Variants in OCA2 observed in about 807,000 individuals in gnomAD.
OCA2 encodes the protein OCA2 melanosomal transmembrane protein, also known as P protein.
OCA2 carries 77 observed loss-of-function variants against 100.2 expected under a neutral mutation model. The observed-to-expected ratio is 0.77, with a 90% confidence interval of 0.64 to 0.93. The LOEUF (loss-of-function observed/expected upper bound fraction) is 0.93. Among genes scored for constraint, OCA2 ranks in the 40% least tolerant of loss-of-function variants. The pLI is 0.00. For synonymous variants in OCA2, 432 were observed against 439.2 expected (o/e 0.98, Z 0.21); for missense variants, 1,062 against 1,089.1 (o/e 0.98, Z 0.35).
At chr15:28,016,802 T>C (rs995206030) in intron 7 of OCA2, among the ~76,000 whole-genome samples, 2 of 150,348 alleles carry the variant, frequency 1.3e-5, no homozygotes, top group Non-Finnish European at 2.9e-5. Context: ...CTAATATAAA[T>C]TTTTTTTAAT....
At chr15:27,933,689 A>T (rs2703958) in intron 18 of OCA2, among the ~76,000 whole-genome samples, 109,094 of 152,118 alleles carry the variant, frequency 0.72, 41,147 homozygotes, top group African/African-American at 0.9. Context: ...GCTGGAGAGA[A>T]CATAAGACTC....
the OCA2 span, among the ~76,000 whole-genome samples, chr15:27,744,408 C>A: frequency 6.6e-6 from 1 of 151,958 alleles, no homozygotes; most frequent in Non-Finnish European, 1.5e-5. Flanking sequence ...ACCGTGGGCA[C>A]GAGATGGAGG....
At chr15:27,719,913 G>C in the OCA2 span, among the ~76,000 whole-genome samples, 2 of 152,082 alleles carry the variant, frequency 1.3e-5, no homozygotes, top group African/African-American at 4.8e-5. Context: ...CTCCTATAAA[G>C]CTGCTAATGC....
At chr15:28,090,922 A>G (rs1304164508) in intron 1 of OCA2, among the ~76,000 whole-genome samples, 1 of 152,196 alleles carries the variant, frequency 6.6e-6, no homozygotes, top group East Asian at 1.9e-4. Context: ...CTTTGAAAAT[A>G]TCAATGGAAT....
intron 23 of OCA2, among the ~76,000 whole-genome samples, chr15:27,815,612 A>T (rs145185358): frequency 6.6e-6 from 1 of 152,234 alleles, no homozygotes; most frequent in African/African-American, 2.4e-5. Context: ...CCCAAAGGCT[A>T]GCAAGAGTCT....
Position 27,755,042 on chromosome 15 carries a change from C to G in OCA2, c.*346G>C, listed in dbSNP as rs2030229814. ...CTGTGTTTAGCCTCAGGAGAATTGACAGTTAAACAGTACAGTCAATTTTAG... is the reference window on the plus strand; with the variant it reads ...CTGTGTTTAGCCTCAGGAGAATTGAGAGTTAAACAGTACAGTCAATTTTAG... On this transcript the variant is annotated 3_prime_UTR_variant, in exon 24 of 24. Transcript: ENST00000354638. 1 of 304,930 alleles carries G rather than the reference C, an allele frequency of 3.3e-6. No homozygotes were observed. The highest frequency in any genetic ancestry group is 6.4e-6 in the Non-Finnish European group (1 of 155,412). 18.9% of individuals were successfully genotyped at this position (304,930 alleles called of 1,614,324 possible). A position where few individuals can be genotyped will look rare whatever the true frequency, so the allele number is the denominator to read the frequency against.
intron 18 of OCA2, among the ~76,000 whole-genome samples, chr15:27,930,483 C>G (rs2039207915): frequency 6.6e-6 from 1 of 151,736 alleles, no homozygotes; most frequent in East Asian, 2.0e-4. Flanking sequence ...ATCTGACCCC[C>G]TGCTTGTTTC....
chr15:28,088,472 T>C (rs1262428363), intron 1 of OCA2, among the ~76,000 whole-genome samples: 3 of 152,196 alleles, frequency 2.0e-5, no homozygotes, highest in Non-Finnish European at 2.9e-5. Context: ...TTAAAAGAGA[T>C]ACACCAAGAA....
intron 19 of OCA2, among the ~76,000 whole-genome samples, chr15:27,896,964 G>T (rs904994742): frequency 2.6e-5 from 4 of 152,154 alleles, no homozygotes; most frequent in African/African-American, 9.7e-5. Context: ...GCCGAGGTGG[G>T]CGGATTACGA....
intron 23 of OCA2, among the ~76,000 whole-genome samples, chr15:27,768,345 G>T (rs965033724): frequency 2.6e-5 from 4 of 152,286 alleles, no homozygotes; most frequent in Admixed American, 2.6e-4. Flanking sequence ...AGAGAATCGA[G>T]TATGGGACTT....
chr15:27,904,301 G>T (rs551036430), intron 19 of OCA2, among the ~76,000 whole-genome samples: 2 of 152,338 alleles, frequency 1.3e-5, no homozygotes, highest in East Asian at 3.9e-4. Context: ...AGTGAGCAGT[G>T]CTGTTGGCTG....
At chr15:28,021,145 G>A (rs2042581534) in intron 6 of OCA2, among the ~76,000 whole-genome samples, 1 of 152,146 alleles carries the variant, frequency 6.6e-6, no homozygotes, top group Admixed American at 6.5e-5. Flanking sequence ...AAAAATATTT[G>A]CCTGATCAGA....
At chr15:27,881,075 G>A (rs1215378875) in intron 19 of OCA2, among the ~76,000 whole-genome samples, 6 of 152,156 alleles carry the variant, frequency 3.9e-5, no homozygotes, top group Admixed American at 1.3e-4. Flanking sequence ...ATGAAAGGAC[G>A]TTGAATTTTA....
At position 27,830,486 on chromosome 15, in the gene OCA2, A is replaced by G. The variant is rs544348153; in HGVS notation, c.2432+14473T>C. Reference sequence around the variant, plus strand: ...AAAGGAGTACAAATATTATTTAAAGATAAGAAGGATGAATTGGAATAAAAA... The same window carrying G: ...AAAGGAGTACAAATATTATTTAAAGGTAAGAAGGATGAATTGGAATAAAAA... On this transcript the variant is annotated intron_variant, in intron 23 of 23. Coordinates refer to ENST00000354638, the MANE Select transcript of OCA2 (RefSeq NM_000275.3). 1.0e-3 allele frequency among the ~76,000 whole-genome samples: 158 copies of G among 152,372 alleles called. 2 individuals carry two copies. The highest frequency in any genetic ancestry group is 3.7e-3 in the African/African-American group (155 of 41,596).
intron 19 of OCA2, among the ~76,000 whole-genome samples, chr15:27,908,390 T>TA (rs931052468): frequency 1.7e-4 from 21 of 126,084 alleles, no homozygotes; most frequent in African/African-American, 4.6e-4. Flanking sequence ...GTTAATGTGA[T>TA]AAAAAATTAC....
intron 23 of OCA2, among the ~76,000 whole-genome samples, chr15:27,765,457 C>T (rs978406082): frequency 1.3e-5 from 2 of 152,286 alleles, no homozygotes; most frequent in Middle Eastern, 3.4e-3. Context: ...AGAGACAAGA[C>T]AAATCACTCA....
At chr15:28,070,160 G>C (rs1478604590) in intron 2 of OCA2, among the ~76,000 whole-genome samples, 1 of 122,160 alleles carries the variant, frequency 8.2e-6, no homozygotes, top group Non-Finnish European at 1.6e-5. Context: ...GAGACCCTCT[G>C]CCTGGCAACC....
chr15:28,001,822 C>T (rs1183853195), intron 9 of OCA2, among the ~76,000 whole-genome samples: 1 of 152,226 alleles, frequency 6.6e-6, no homozygotes, highest in Non-Finnish European at 1.5e-5. Context: ...AGGCCGTGCA[C>T]AGCCCTGACA....
intron 19 of OCA2, among the ~76,000 whole-genome samples, chr15:27,898,880 T>C (rs1029261661): frequency 3.3e-5 from 5 of 152,190 alleles, no homozygotes; most frequent in African/African-American, 1.2e-4. Context: ...CTACTGAACA[T>C]GTAAAGAACT....
Sources: allele counts gnomAD v4.1 joint callset (sites outside exome capture counted in the v4.1 genomes callset), GRCh38; gene constraint gnomAD v4.1.1; transcripts MANE v1.5; gene names NCBI Gene and HGNC (gene_info 2026-07-23, HGNC 2026-07-21).